Variants in MAP3K19 observed in about 807,000 individuals in gnomAD.
MAP3K19 encodes the protein mitogen-activated protein kinase kinase kinase 19, also known as SPS1/STE20-related protein kinase YSK4.
In MAP3K19, 91 loss-of-function variants were observed where a neutral mutation model predicts 114.4. That is an observed-to-expected ratio of 0.80 (90% CI 0.67 to 0.95). The LOEUF is 0.95. MAP3K19 is among the 40% of genes least tolerant of loss of function. The pLI is 0.00. For synonymous variants in MAP3K19, 518 were observed against 530.5 expected (o/e 0.98, Z 0.32); for missense variants, 1,471 against 1,573.2 (o/e 0.94, Z 1.10).
chr2:135,041,297 C>G (rs1409080112), intron 1 of MAP3K19, among the ~76,000 whole-genome samples: 1 of 151,322 alleles, frequency 6.6e-6, no homozygotes, highest in East Asian at 1.9e-4. Context: ...TCTCAAATTG[C>G]AATTTTGGAG....
chr2:134,972,051 T>G (rs1683917754), intron 12 of MAP3K19, among the ~76,000 whole-genome samples: 1 of 152,172 alleles, frequency 6.6e-6, no homozygotes, highest in Admixed American at 6.5e-5. Flanking sequence ...TCATGGAGAA[T>G]GGGGTATCCA....
At chr2:134,970,390 CTTGA>C (rs1246229560) in intron 12 of MAP3K19, among the ~76,000 whole-genome samples, 2 of 151,990 alleles carry the variant, frequency 1.3e-5, no homozygotes, top group African/African-American at 4.8e-5. Flanking sequence ...GGATTGCCTT[CTTGA>C]TTTCTTTTTC....
chr2:135,044,995 C>T (rs1574062634), intron 1 of MAP3K19, among the ~76,000 whole-genome samples: 1 of 152,028 alleles, frequency 6.6e-6, no homozygotes, highest in Admixed American at 6.6e-5. Context: ...TTATGTTCAC[C>T]GTATTTTATT....
At chr2:134,983,410 G>A in intron 11 of MAP3K19, 1 of 611,018 alleles carries the variant, frequency 1.6e-6, no homozygotes, top group South Asian at 1.6e-5. Context: ...CAAAGAGAGA[G>A]AGAGACCAGA....
At chr2:135,002,614 A>T (rs999732386) in intron 6 of MAP3K19, among the ~76,000 whole-genome samples, 1 of 97,056 alleles carries the variant, frequency 1.0e-5, no homozygotes, top group Non-Finnish European at 2.1e-5. Flanking sequence ...CACAGACTTT[A>T]AAAAAAAAAA....
chr2:134,980,900 C>T lies in MAP3K19; in HGVS notation c.3841G>A (p.Ala1281Thr), dbSNP rs1350406972. The T allele has an allele frequency of 8.7e-6, 14 of 1,614,240 alleles. No homozygotes were observed. The highest frequency in any genetic ancestry group is 1.0e-5 in the Non-Finnish European group (12 of 1,180,048). Residue 1281 changes from alanine (A) to threonine (T), a missense_variant, in exon 12 of 13, where the codon GCA becomes ACA. Coordinates refer to ENST00000392915, the MANE Select transcript of MAP3K19 (RefSeq NM_025052.5). ...DRMAAMFYIG[A>T]HRGLMPPLPD... The stretch of plus-strand genomic sequence containing the variant: ...AAAGGAGGCATCAGCCCTCGGTGTG[C>T]TCCGATGTAAAACATGGCGGCCATC...
chr2:135,008,294 T>C (rs1368570629), intron 5 of MAP3K19, among the ~76,000 whole-genome samples: 1 of 152,166 alleles, frequency 6.6e-6, no homozygotes, highest in Non-Finnish European at 1.5e-5. Flanking sequence ...GCCTTATTTT[T>C]GTATTTTTAG....
intron 12 of MAP3K19, among the ~76,000 whole-genome samples, chr2:134,972,157 T>A (rs565232795): frequency 2.5e-4 from 38 of 152,252 alleles, no homozygotes; most frequent in Middle Eastern, 6.8e-3. Flanking sequence ...GACTATTGTC[T>A]CCCTGATGTT....
chr2:135,000,652 C>T (rs1161940277), intron 6 of MAP3K19, among the ~76,000 whole-genome samples: 1 of 152,124 alleles, frequency 6.6e-6, no homozygotes, highest in Non-Finnish European at 1.5e-5. Flanking sequence ...GGGAAATAAA[C>T]AAGATGCAGC....
chr2:135,036,051 C>T (rs1009270870), intron 2 of MAP3K19, among the ~76,000 whole-genome samples: 1 of 152,032 alleles, frequency 6.6e-6, no homozygotes. Context: ...TCAGGCTGGT[C>T]GCGAACTCCC....
In MAP3K19 at chr2:135,043,681, T is replaced by C. The variant is rs554462401; in HGVS notation, c.-423-3179A>G. 1.2e-4 allele frequency among the ~76,000 whole-genome samples: 19 copies of C among 152,282 alleles called. 1 individual carries two copies. In the South Asian group the frequency reaches 3.7e-3, roughly 30 times the overall value. On this transcript the variant is annotated intron_variant, in intron 1 of 12. Transcript: ENST00000392915. Reference sequence around the variant, plus strand: ...TACATTCTATGGGTTAGGACAAAGGTATAATGACATGCATCCACCATTTTA... The same window carrying C: ...TACATTCTATGGGTTAGGACAAAGGCATAATGACATGCATCCACCATTTTA...
At chr2:135,043,887 A>T (rs1338331934) in intron 1 of MAP3K19, among the ~76,000 whole-genome samples, 6 of 152,188 alleles carry the variant, frequency 3.9e-5, no homozygotes, top group African/African-American at 1.4e-4. Context: ...TTGAATCCAC[A>T]ATCTTTCTTG....
intron 1 of MAP3K19, among the ~76,000 whole-genome samples, chr2:135,045,981 G>A (rs546213702): frequency 3.3e-5 from 5 of 152,110 alleles, no homozygotes; most frequent in Non-Finnish European, 5.9e-5. Flanking sequence ...CTGGAGTACA[G>A]CAGCTTGATC....
intron 11 of MAP3K19, 186 bp downstream of exon 11, chr2:134,983,490 C>T (rs1684854306): frequency 5.0e-6 from 3 of 600,552 alleles, no homozygotes; most frequent in East Asian, 5.7e-5. Flanking sequence ...ACCTTTCAGT[C>T]GGATAAAGCA....
At position 135,011,394 on chromosome 2, in the gene MAP3K19, A is replaced by G. The variant is rs573932206; in HGVS notation, c.139-5863T>C. ...CTACTAAAAATACAAAAAATTAGCC[A>G]GGCGTAGTGGCGGGCCCCTGCAGTC... On this transcript the variant is annotated intron_variant, in intron 5 of 12. Coordinates refer to ENST00000392915, the MANE Select transcript of MAP3K19 (RefSeq NM_025052.5). Among the ~76,000 whole-genome samples the G allele has an allele frequency of 3.0e-3, 453 of 152,076 alleles. 3 individuals carry two copies. Among genetic ancestry groups the G allele is most frequent in the African/African-American group, 9.8e-3 (406 of 41,462 alleles).
intron 5 of MAP3K19, among the ~76,000 whole-genome samples, chr2:135,012,708 G>A (rs1042051712): frequency 6.6e-6 from 1 of 152,070 alleles, no homozygotes; most frequent in African/African-American, 2.4e-5. Flanking sequence ...GCTGTCTCTT[G>A]ATTCATCAAA....
chr2:134,964,624 TTTG>T lies in MAP3K19; in HGVS notation c.*223_*225del. The T allele has an allele frequency of 2.8e-6, 1 of 351,414 alleles. No individual in the cohort carries two copies. Among genetic ancestry groups the T allele is most frequent in the Admixed American group, 4.5e-5 (1 of 21,986 alleles). 21.8% of individuals were successfully genotyped at this position (351,414 alleles called of 1,614,324 possible). A position where few individuals can be genotyped will look rare whatever the true frequency, so the allele number is the denominator to read the frequency against. On this transcript the variant is annotated 3_prime_UTR_variant, in exon 13 of 13. Transcript: ENST00000392915. ...AAAACTGTAAACACTGAAATAGTTTTTTGTTGTTATTAAGAACATGTTTTCTGA... is the reference window on the plus strand; with the variant it reads ...AAAACTGTAAACACTGAAATAGTTTTTTGTTATTAAGAACATGTTTTCTGA...
rs146234563 is a variant in MAP3K19, at chr2:135,032,500, G to C, written c.-283-2000C>G. ...TGAAAACATATACTCACACCAAAAT[G>C]TTTACAGAAGCATTATTCATAGTAA... On this transcript the variant is annotated intron_variant, in intron 2 of 12. Transcript: ENST00000392915. Among the ~76,000 whole-genome samples, 1,075 of 151,418 alleles carry C rather than the reference G, an allele frequency of 7.1e-3. 12 individuals are homozygous for C. The highest frequency in any genetic ancestry group is 0.024 in the African/African-American group (1,006 of 41,342).
chr2:134,980,517 T>C (rs1017468206), intron 12 of MAP3K19, among the ~76,000 whole-genome samples: 9 of 152,242 alleles, frequency 5.9e-5, no homozygotes, highest in Non-Finnish European at 1.2e-4. Flanking sequence ...AGATGTCTCA[T>C]TGGTAAATAA....
Sources: allele counts gnomAD v4.1 joint callset (sites outside exome capture counted in the v4.1 genomes callset), GRCh38; gene constraint gnomAD v4.1.1; transcripts MANE v1.5; gene names NCBI Gene and HGNC (gene_info 2026-07-23, HGNC 2026-07-21).